SLC9A9: variants seen among roughly 807,000 people sequenced by gnomAD.
The protein encoded by SLC9A9 is sodium/hydrogen exchanger 9.
A neutral mutation model predicts 77.8 loss-of-function variants in SLC9A9; 62 were observed. The observed-to-expected ratio is 0.80, with a 90% confidence interval of 0.65 to 0.98. The LOEUF is 0.98. Ranked by LOEUF, SLC9A9 falls within the 50% of genes least tolerant of loss-of-function variation. SLC9A9 has a pLI of 0.00. For missense variants in SLC9A9, 775 were observed against 774.9 expected, an observed-to-expected ratio of 1.00 and a Z score of 0.00; for synonymous variants, 320 against 283.5, an observed-to-expected ratio of 1.13 and a Z score of -1.29.
intron 12 of SLC9A9, among the ~76,000 whole-genome samples, chr3:143,386,665 C>T (rs1414654844): frequency 6.6e-6 from 1 of 152,148 alleles, no homozygotes; most frequent in Non-Finnish European, 1.5e-5. Context: ...TGATTACTTT[C>T]AGAGATAAGC....
chr3:143,608,759 A>G (rs2037969148), intron 6 of SLC9A9, among the ~76,000 whole-genome samples: 1 of 152,144 alleles, frequency 6.6e-6, no homozygotes, highest in Non-Finnish European at 1.5e-5. Flanking sequence ...GTCAGGAAGG[A>G]CCCACATTGA....
At chr3:143,509,323 C>A (rs1576544053) in intron 9 of SLC9A9, among the ~76,000 whole-genome samples, 1 of 152,150 alleles carries the variant, frequency 6.6e-6, no homozygotes, top group East Asian at 1.9e-4. Context: ...ATTATGTTTG[C>A]TTAACTTGTT....
chr3:143,420,010 T>G (rs1461895601), intron 12 of SLC9A9, among the ~76,000 whole-genome samples: 1 of 152,134 alleles, frequency 6.6e-6, no homozygotes, highest in Non-Finnish European at 1.5e-5. Context: ...TTTTAGCAAT[T>G]TTGTCTCTTT....
intron 6 of SLC9A9, among the ~76,000 whole-genome samples, chr3:143,641,385 CTTTTTTT>C (rs529425639): frequency 3.8e-5 from 3 of 78,830 alleles, no homozygotes; most frequent in East Asian, 4.5e-4. Context: ...TTGTCACAGT[CTTTTTTT>C]TTTTTTTTTT....
intron 11 of SLC9A9, among the ~76,000 whole-genome samples, chr3:143,478,963 T>C (rs758536182): frequency 6.6e-6 from 1 of 152,206 alleles, no homozygotes; most frequent in African/African-American, 2.4e-5. Flanking sequence ...TTGGATATCC[T>C]AAAAATCTAA....
intron 4 of SLC9A9, among the ~76,000 whole-genome samples, chr3:143,741,152 C>T (rs139187421): frequency 1.4e-4 from 21 of 152,292 alleles, no homozygotes; most frequent in African/African-American, 4.6e-4. Flanking sequence ...TTTCTAATCT[C>T]ATTCTCCAGT....
chr3:143,270,473 G>A (rs1937866872), intron 14 of SLC9A9, among the ~76,000 whole-genome samples: 1 of 152,202 alleles, frequency 6.6e-6, no homozygotes, highest in Admixed American at 6.5e-5. Context: ...CCCCTGCTGG[G>A]GAGCTGCAGA....
intron 6 of SLC9A9, among the ~76,000 whole-genome samples, chr3:143,634,343 A>G (rs2038478605): frequency 6.6e-6 from 1 of 152,030 alleles, no homozygotes; most frequent in Non-Finnish European, 1.5e-5. Flanking sequence ...ACTATCTGTC[A>G]TTCATTTCTG....
chr3:143,832,018 C>T lies in SLC9A9; in HGVS notation c.378+1G>A, dbSNP rs746702507. On this transcript the variant is annotated splice_donor_variant, in intron 2 of 15. Transcript: ENST00000316549. LOFTEE classifies it high-confidence loss of function. ...TATATAATACCAGACAGGATCCTTACCTTTTCAAGTATAGCATTTCCTTGA... is the reference window on the plus strand; with the variant it reads ...TATATAATACCAGACAGGATCCTTATCTTTTCAAGTATAGCATTTCCTTGA... 6.2e-7 allele frequency: 1 copy of T among 1,610,000 alleles called. No individual in the cohort carries two copies. Among genetic ancestry groups the T allele is most frequent in the South Asian group, 1.1e-5 (1 of 90,984 alleles).
intron 14 of SLC9A9, among the ~76,000 whole-genome samples, chr3:143,296,187 T>C (rs1200250811): frequency 6.6e-6 from 1 of 152,212 alleles, no homozygotes; most frequent in Non-Finnish European, 1.5e-5. Context: ...TCATCTTGTG[T>C]AACTGAAGCT....
intron 4 of SLC9A9, among the ~76,000 whole-genome samples, chr3:143,783,238 G>A (rs1010249701): frequency 2.0e-5 from 3 of 152,096 alleles, no homozygotes; most frequent in Admixed American, 1.3e-4. Flanking sequence ...GTACTGAGCT[G>A]TCATTGCCCT....
At chr3:143,825,505 T>C (rs1285219690) in intron 2 of SLC9A9, among the ~76,000 whole-genome samples, 1 of 152,184 alleles carries the variant, frequency 6.6e-6, no homozygotes, top group Admixed American at 6.5e-5. Flanking sequence ...AAAAGTCTTA[T>C]GGTTAGTTGT....
At chr3:143,773,201 T>A (rs984124287) in intron 4 of SLC9A9, among the ~76,000 whole-genome samples, 1 of 152,152 alleles carries the variant, frequency 6.6e-6, no homozygotes, top group East Asian at 1.9e-4. Context: ...GGAAAAGCCC[T>A]GATTTGTAGC....
chr3:143,340,618 C>T lies in SLC9A9; in HGVS notation c.1604+22866G>A, dbSNP rs186305697. Among the ~76,000 whole-genome samples the T allele has an allele frequency of 2.6e-3, 393 of 152,252 alleles. 1 individual carries two copies. The highest frequency in any genetic ancestry group is 9.0e-3 in the African/African-American group (375 of 41,556). ...TCTTTCCTGGGGCTCACTTTGGTAC[C>T]GTCTTCAAGATTTCTCTTGGAAAGG... is the stretch of plus-strand genomic sequence containing the variant. On this transcript the variant is annotated intron_variant, in intron 14 of 15. Transcript: ENST00000316549.
chr3:143,594,030 G>A (rs1403945322), intron 6 of SLC9A9, among the ~76,000 whole-genome samples: 3 of 152,050 alleles, frequency 2.0e-5, no homozygotes, highest in Non-Finnish European at 2.9e-5. Flanking sequence ...GGGAAGGAGG[G>A]TATTGGTTCT....
chr3:143,490,673 T>C (rs945594802), intron 11 of SLC9A9, among the ~76,000 whole-genome samples: 3 of 152,190 alleles, frequency 2.0e-5, no homozygotes, highest in Admixed American at 2.0e-4. Flanking sequence ...TTTTATGTTA[T>C]TGTATTTTAC....
intron 5 of SLC9A9, among the ~76,000 whole-genome samples, chr3:143,686,310 C>T (rs1933262061): frequency 6.6e-6 from 1 of 152,024 alleles, no homozygotes; most frequent in South Asian, 2.1e-4. Context: ...AAAAATCTCC[C>T]ACACAGAAGA....
chr3:143,535,869 T>C (rs577960013), intron 9 of SLC9A9, among the ~76,000 whole-genome samples: 2 of 152,258 alleles, frequency 1.3e-5, no homozygotes, highest in South Asian at 2.1e-4. Context: ...TTCTAAGAAA[T>C]AGACAAGATG....
intron 14 of SLC9A9, among the ~76,000 whole-genome samples, chr3:143,321,204 C>T (rs1413517293): frequency 6.6e-6 from 1 of 152,208 alleles, no homozygotes; most frequent in Non-Finnish European, 1.5e-5. Context: ...AAGGTTATCA[C>T]AGTCTAACAA....
Sources: gnomAD v4.1 joint callset for allele counts (sites outside exome capture counted in the v4.1 genomes callset) on GRCh38, gnomAD v4.1.1 for gene constraint, MANE v1.5 for transcripts, NCBI Gene and HGNC (gene_info 2026-07-23, HGNC 2026-07-21) for gene names.